ADCY7: variants seen among roughly 807,000 people sequenced by gnomAD.
The protein encoded by ADCY7 is adenylate cyclase type 7.
A neutral mutation model predicts 120.6 loss-of-function variants in ADCY7; 72 were observed. The ratio of observed to expected loss-of-function variants is 0.60; its 90% CI spans 0.49 to 0.73. The LOEUF (loss-of-function observed/expected upper bound fraction) is 0.73. Ranked by LOEUF, ADCY7 falls within the 30% of genes least tolerant of loss-of-function variation. ADCY7 has a pLI of 0.00. For synonymous variants in ADCY7, 661 were observed against 628.0 expected (o/e 1.05, Z -0.78); for missense variants, 1,227 against 1,486.0 (o/e 0.83, Z 2.87).
chr16:50,314,003 A>G lies in ADCY7; in HGVS notation c.2797A>G (p.Ile933Val), dbSNP rs1205350878. ...KFSGVEKIKT[I>V]GSTYMAAAGL... is the part of the protein sequence containing the mutation. ...CAGCGGCGTGGAGAAGATCAAGACC[A>G]TCGGCAGCACGTACATGGCAGCTGC... Residue 933 changes from isoleucine (I) to valine (V), a missense_variant, in exon 23 of 26, where the codon ATC becomes GTC. Coordinates refer to ENST00000673801, the MANE Select transcript of ADCY7 (RefSeq NM_001114.5). 2 of 1,614,166 alleles carry G rather than the reference A, an allele frequency of 1.2e-6. No homozygotes were observed. The highest frequency in any genetic ancestry group is 8.5e-7 in the Non-Finnish European group (1 of 1,179,998).
Position 50,313,039 on chromosome 16 carries a change from ACAGCCTCTAGCC to A in ADCY7, c.2751+10_2751+21del. Reference sequence around the variant, plus strand: ...AGATCATTGCCGACTTCGACGAGGTACAGCCTCTAGCCCAGCCTTGCGCAGCAGCCCCCACCC... The same window carrying A: ...AGATCATTGCCGACTTCGACGAGGTACAGCCTTGCGCAGCAGCCCCCACCC... On this transcript the variant is annotated splice_donor_5th_base_variant and intron_variant, in intron 22 of 25. Coordinates refer to ENST00000673801, the MANE Select transcript of ADCY7 (RefSeq NM_001114.5). 2 of 1,614,068 alleles carry A rather than the reference ACAGCCTCTAGCC, an allele frequency of 1.2e-6. No homozygotes were observed. The highest frequency in any genetic ancestry group is 1.7e-6 in the Non-Finnish European group (2 of 1,179,944).
intron 8 of ADCY7, among the ~76,000 whole-genome samples, chr16:50,299,692 G>A (rs935926096): frequency 1.3e-5 from 2 of 152,244 alleles, no homozygotes; most frequent in Admixed American, 1.3e-4. Context: ...AGAAGCCTGG[G>A]CAGAGCTGGA....
chr16:50,290,451 A>G lies in ADCY7; in HGVS notation c.172-6A>G, dbSNP rs1361083134. Reference sequence around the variant, plus strand: ...CGAGGCATTCCTGTCTGTTTGCTCCACCCAGGACCCCTCCAGACACCAGGC... The same window carrying G: ...CGAGGCATTCCTGTCTGTTTGCTCCGCCCAGGACCCCTCCAGACACCAGGC... On this transcript the variant is annotated splice_region_variant and splice_polypyrimidine_tract_variant and intron_variant, in intron 2 of 25. Transcript: ENST00000673801. The G allele has an allele frequency of 6.2e-7, 1 of 1,614,030 alleles. No individual in the cohort carries two copies. The highest frequency in any genetic ancestry group is 2.2e-5 in the East Asian group (1 of 44,874).
At chr16:50,306,063 G>A (rs554226555) in intron 14 of ADCY7, among the ~76,000 whole-genome samples, 2 of 152,294 alleles carry the variant, frequency 1.3e-5, no homozygotes, top group Non-Finnish European at 2.9e-5. Flanking sequence ...TGACCCAAAT[G>A]CACCATCAGA....
intron 1 of ADCY7, among the ~76,000 whole-genome samples, chr16:50,253,639 T>C (rs927063341): frequency 6.6e-6 from 1 of 152,224 alleles, no homozygotes; most frequent in Non-Finnish European, 1.5e-5. Flanking sequence ...TGTGGAGGTC[T>C]TGGGCACTGA....
chr16:50,249,378 T>G (rs577264298), intron 1 of ADCY7, among the ~76,000 whole-genome samples: 2 of 152,124 alleles, frequency 1.3e-5, no homozygotes, highest in Non-Finnish European at 2.9e-5. Context: ...AGGCAGAAGT[T>G]GCAGTGAGCC....
intron 1 of ADCY7, among the ~76,000 whole-genome samples, chr16:50,256,065 G>A (rs1276493196): frequency 1.3e-5 from 2 of 151,986 alleles, no homozygotes; most frequent in African/African-American, 2.4e-5. Flanking sequence ...TGCAACAAAA[G>A]CAAAAATAGA....
At chr16:50,263,796 C>T (rs2033120416), upstream of ADCY7, among the ~76,000 whole-genome samples, 1 of 151,922 alleles carries the variant, frequency 6.6e-6, no homozygotes, top group African/African-American at 2.4e-5. Context: ...TTCCCCTTGG[C>T]CCCCGATATC....
At position 50,313,992 on chromosome 16, in the gene ADCY7, A is replaced by T. The variant is rs750366910; in HGVS notation, c.2786A>T (p.Lys929Met). The change falls in exon 23 of 26, where the codon AAG becomes ATG. Residue 929 changes from lysine to methionine, a missense_variant. By Grantham distance (95) the Lys-to-Met change is moderately conservative. Coordinates refer to ENST00000673801, the MANE Select transcript of ADCY7 (RefSeq NM_001114.5). ...LLKPKFSGVE[K>M]IKTIGSTYMA... ...AAGCCCAAGTTCAGCGGCGTGGAGA[A>T]GATCAAGACCATCGGCAGCACGTAC... 1.2e-6 allele frequency: 2 copies of T among 1,614,018 alleles called. No individual in the cohort carries two copies. Among genetic ancestry groups the T allele is most frequent in the African/African-American group, 2.7e-5 (2 of 74,954 alleles).
intron 1 of ADCY7, among the ~76,000 whole-genome samples, chr16:50,248,248 C>T (rs538967572): frequency 6.6e-6 from 1 of 152,202 alleles, no homozygotes; most frequent in Non-Finnish European, 1.5e-5. Context: ...TCTTCCTGTT[C>T]GTACCCCATA....
At chr16:50,293,784 T>G (rs1349209011) in intron 6 of ADCY7, among the ~76,000 whole-genome samples, 1 of 152,152 alleles carries the variant, frequency 6.6e-6, no homozygotes, top group African/African-American at 2.4e-5. Flanking sequence ...CAAACATAGC[T>G]TTTGTGAAGG....
intron 15 of ADCY7, among the ~76,000 whole-genome samples, chr16:50,307,824 C>T (rs188115267): frequency 1.3e-3 from 205 of 152,088 alleles, no homozygotes; most frequent in Non-Finnish European, 2.6e-3. Context: ...GGTGAAACCC[C>T]GTCTCTACCA....
chr16:50,269,361 A>G (rs2033414634), intron 1 of ADCY7, among the ~76,000 whole-genome samples: 1 of 152,230 alleles, frequency 6.6e-6, no homozygotes. Context: ...AGCTGAGAAC[A>G]GGGGCTCTGG....
At chr16:50,247,573 T>C (rs1299110181) in intron 1 of ADCY7, among the ~76,000 whole-genome samples, 1 of 142,952 alleles carries the variant, frequency 7.0e-6, no homozygotes, top group Non-Finnish European at 1.5e-5. Context: ...GGACGCATGG[T>C]CTCACTATGT....
intron 22 of ADCY7, 119 bp from the exon 23 acceptor site, chr16:50,313,838 GA>G (rs1165339536): frequency 5.3e-6 from 4 of 754,944 alleles, no homozygotes; most frequent in Non-Finnish European, 9.1e-6. Context: ...GCAGCCATGA[GA>G]CGTGTGTGCG....
At chr16:50,251,924 C>CTGG (rs2032769328) in intron 1 of ADCY7, among the ~76,000 whole-genome samples, 1 of 152,234 alleles carries the variant, frequency 6.6e-6, no homozygotes, top group African/African-American at 2.4e-5. Flanking sequence ...ATTTGAGCAC[C>CTGG]TGGTGTGTGT....
At chr16:50,273,099 C>T (rs947801919) in intron 1 of ADCY7, among the ~76,000 whole-genome samples, 5 of 152,306 alleles carry the variant, frequency 3.3e-5, no homozygotes, top group African/African-American at 9.6e-5. Context: ...GTTTATGTCA[C>T]GATTTCTCAG....
At chr16:50,281,962 G>A (rs749053433) in intron 1 of ADCY7, among the ~76,000 whole-genome samples, 5 of 152,310 alleles carry the variant, frequency 3.3e-5, no homozygotes, top group South Asian at 2.1e-4. Flanking sequence ...GACCGGGGGC[G>A]CGAGACGGAG....
At chr16:50,308,527 G>A in intron 16 of ADCY7, 116 bp downstream of exon 16, 3 of 1,563,506 alleles carry the variant, frequency 1.9e-6, no homozygotes, top group Non-Finnish European at 2.6e-6. Flanking sequence ...AAGGTTGGGT[G>A]CCCATCTCTC....
Sources: gnomAD v4.1 joint callset for allele counts (sites outside exome capture counted in the v4.1 genomes callset) on GRCh38, gnomAD v4.1.1 for gene constraint, MANE v1.5 for transcripts, NCBI Gene and HGNC (gene_info 2026-07-23, HGNC 2026-07-21) for gene names.